TCEANC: variants seen among roughly 807,000 people sequenced by gnomAD.
TCEANC encodes the protein transcription elongation factor A N-terminal and central domain-containing protein.
A neutral mutation model predicts 8.7 loss-of-function variants in TCEANC; 8 were observed. The observed-to-expected ratio is 0.92, with a 90% CI of 0.54 to 1.65. TCEANC has a LOEUF of 1.65. TCEANC is among the 40% of genes most tolerant of loss of function. The pLI, the probability that TCEANC is intolerant of heterozygous loss-of-function variation, is 0.00. For synonymous variants in TCEANC, 78 were observed against 92.9 expected, an observed-to-expected ratio of 0.84 and a Z score of 0.92; for missense variants, 255 against 251.9, an observed-to-expected ratio of 1.01 and a Z score of -0.08.
exon 2 of TCEANC, chrX:13,663,124 G>C: frequency 8.3e-7 from 1 of 1,210,891 alleles, no homozygotes; most frequent in Non-Finnish European, 1.1e-6. Context: ...AAGAGAAATT[G>C]AAGAGCATGT....
chrX:13,664,310 C>T (rs1180984900), exon 2 of TCEANC: 1 of 123,109 alleles, frequency 8.1e-6, no homozygotes, highest in Non-Finnish European at 1.9e-5. Flanking sequence ...GAGACTGGCT[C>T]AATATCGACT....
chrX:13,657,567 G>T (rs2045932369), intron 1 of TCEANC, among the ~76,000 whole-genome samples: 1 of 112,168 alleles, frequency 8.9e-6, no homozygotes, highest in African/African-American at 3.2e-5. Context: ...CAGCACTTTG[G>T]GAGGCCAAGG....
upstream of TCEANC, among the ~76,000 whole-genome samples, chrX:13,653,663 G>A (rs751409380): frequency 6.3e-5 from 7 of 111,752 alleles, no homozygotes; most frequent in Admixed American, 9.4e-5. Flanking sequence ...GAGCTGTTAA[G>A]TGGGTTAGGG....
chrX:13,662,797 G>A (rs1238495517), exon 2 of TCEANC: 7 of 1,210,874 alleles, frequency 5.8e-6, no homozygotes, highest in East Asian at 3.0e-5. Flanking sequence ...TCCTGTGAGG[G>A]GTAATAAAGA....
At chrX:13,657,653 C>T (rs747484509) in intron 1 of TCEANC, among the ~76,000 whole-genome samples, 1 of 109,340 alleles carries the variant, frequency 9.1e-6, no homozygotes, top group African/African-American at 3.3e-5. Context: ...ACTAAAAATA[C>T]AAAAAGTAGC....
intron 1 of TCEANC, among the ~76,000 whole-genome samples, 27 bp from the exon 4 acceptor site, chrX:13,661,004 C>A (rs1012881144): frequency 1.5e-4 from 17 of 111,033 alleles, no homozygotes; most frequent in South Asian, 3.8e-4. Flanking sequence ...GCCACCACAC[C>A]CGGCTAATTT....
exon 2 of TCEANC, chrX:13,664,145 T>C: frequency 8.1e-6 from 1 of 123,326 alleles, no homozygotes; most frequent in Middle Eastern, 4.5e-3. Flanking sequence ...AGGCTCTCAT[T>C]TGATCCTTTT....
intron 1 of TCEANC, among the ~76,000 whole-genome samples, chrX:13,657,331 A>G (rs1350334825): frequency 8.9e-6 from 1 of 112,259 alleles, no homozygotes; most frequent in Non-Finnish European, 1.9e-5. Flanking sequence ...AACTATCGCA[A>G]ACTCCTAGGA....
chrX:13,657,327 C>T (rs1386840718), intron 1 of TCEANC, among the ~76,000 whole-genome samples: 3 of 111,885 alleles, frequency 2.7e-5, no homozygotes, highest in Non-Finnish European at 5.6e-5. Context: ...TAAAAACTAT[C>T]GCAAACTCCT....
chrX:13,662,937 A>G (rs376911152), exon 2 of TCEANC: 46 of 1,209,923 alleles, frequency 3.8e-5, no homozygotes, highest in Admixed American at 1.3e-4. Flanking sequence ...GAGCCATTCA[A>G]TTGAAACCTA....
At chrX:13,663,019 A>G (rs1216581036) in exon 2 of TCEANC, 1 of 1,211,313 alleles carries the variant, frequency 8.3e-7, no homozygotes, top group East Asian at 3.0e-5. Flanking sequence ...GGATCCCACA[A>G]CACCCATGAG....
chrX:13,663,040 A>G, exon 2 of TCEANC: 2 of 1,211,610 alleles, frequency 1.7e-6, no homozygotes, highest in Non-Finnish European at 2.2e-6. Flanking sequence ...AACTAAATGC[A>G]TAGAGCTTCT....
chrX:13,657,995 A>G (rs186262263), intron 1 of TCEANC, among the ~76,000 whole-genome samples: 1 of 112,630 alleles, frequency 8.9e-6, no homozygotes, highest in Non-Finnish European at 1.9e-5. Flanking sequence ...TGAAAATGCT[A>G]CAACATGGAT....
chrX:13,659,472 G>C (rs894144781), intron 1 of TCEANC, among the ~76,000 whole-genome samples, 180 bp from the exon 3 acceptor site: 3 of 112,060 alleles, frequency 2.7e-5, no homozygotes, highest in Non-Finnish European at 5.6e-5. Context: ...AGCAAAATGA[G>C]TAAATCTATA....
At chrX:13,658,644 T>C (rs1207421721) in intron 1 of TCEANC, among the ~76,000 whole-genome samples, 1 of 112,029 alleles carries the variant, frequency 8.9e-6, no homozygotes, top group Non-Finnish European at 1.9e-5. Context: ...AATGTGAATA[T>C]CGTCTCTTAA....
At chrX:13,663,602 A>T (rs1343190412) in exon 2 of TCEANC, 5 of 1,040,443 alleles carry the variant, frequency 4.8e-6, no homozygotes, top group Non-Finnish European at 5.1e-6. Context: ...AACCGGAGTG[A>T]TACCTTTTAT....
intron 1 of TCEANC, among the ~76,000 whole-genome samples, chrX:13,659,232 G>T (rs1391793662): frequency 8.9e-6 from 1 of 112,230 alleles, no homozygotes; most frequent in Non-Finnish European, 1.9e-5. Flanking sequence ...AACATTCAAT[G>T]TGCCTGCATT....
At chrX:13,662,935 C>G (rs754626206) in exon 2 of TCEANC, 1 of 1,211,457 alleles carries the variant, frequency 8.3e-7, no homozygotes, top group Admixed American at 2.2e-5. Context: ...TAGAGCCATT[C>G]AATTGAAACC....
At chrX:13,659,956 T>C (rs1165780647) in intron 1 of TCEANC, among the ~76,000 whole-genome samples, 188 bp downstream of exon 3, 1 of 111,116 alleles carries the variant, frequency 9.0e-6, no homozygotes, top group Non-Finnish European at 1.9e-5. Context: ...TACAGTTCAG[T>C]AGTGTTATGT....
Sources: allele counts gnomAD v4.1 joint callset (sites outside exome capture counted in the v4.1 genomes callset), GRCh38; gene constraint gnomAD v4.1.1; transcripts MANE v1.5; gene names NCBI Gene and HGNC (gene_info 2026-07-23, HGNC 2026-07-21).